The following CDH17 variants were observed in gnomAD, a reference collection of about 807,000 sequenced individuals.
The protein encoded by CDH17 is cadherin-17.
Under a neutral mutation model 86.3 loss-of-function variants are expected in CDH17, and 67 were observed. The observed-to-expected ratio is 0.78, with a 90% CI of 0.64 to 0.95. The LOEUF (loss-of-function observed/expected upper bound fraction) is 0.95, where lower values mean the gene tolerates loss of function less well. Ranked by LOEUF, CDH17 falls within the 40% of genes least tolerant of loss-of-function variation. The pLI, the probability that CDH17 is intolerant of heterozygous loss-of-function variation, is 0.00. For missense variants in CDH17, 993 were observed against 1,017.6 expected (o/e 0.98, Z 0.33); for synonymous variants, 367 against 366.4 (o/e 1.00, Z -0.02).
rs148783051 is a variant in CDH17 at position 94,151,057 on chromosome 8, A to G, written c.1796+811T>C. Among the ~76,000 whole-genome samples the G allele has an allele frequency of 4.4e-4, 67 of 152,338 alleles. No homozygotes were observed. The East Asian group carries it at 0.011, about 26-fold the overall frequency. Reference sequence around the variant, plus strand: ...TCCCTCCAGATGTTTAGAGAAACTTAAGGAATTGTCTGCCATTCATAGCCA... The same window carrying G: ...TCCCTCCAGATGTTTAGAGAAACTTGAGGAATTGTCTGCCATTCATAGCCA... On this transcript the variant is annotated intron_variant, in intron 13 of 17. Coordinates refer to ENST00000027335, the MANE Select transcript of CDH17 (RefSeq NM_004063.4).
intron 1 of CDH17, chr8:94,201,975 C>G (rs113991608): frequency 9.9e-5 from 23 of 232,056 alleles, no homozygotes; most frequent in African/African-American, 4.2e-4. Context: ...TGCAGGTAGC[C>G]CTGGAGCTGA....
intron 15 of CDH17, among the ~76,000 whole-genome samples, chr8:94,139,564 A>T (rs1217270527): frequency 1.3e-5 from 2 of 152,318 alleles, no homozygotes; most frequent in East Asian, 3.9e-4. Flanking sequence ...TCTTAAAAGC[A>T]CCCAGAGAAA....
intron 7 of CDH17, 130 bp from the exon 8 acceptor site, chr8:94,171,115 G>A (rs1586259201): frequency 1.1e-6 from 1 of 931,320 alleles, no homozygotes; most frequent in Admixed American, 3.2e-5. Flanking sequence ...TGTAACAACT[G>A]AATTACGTTT....
At position 94,159,970 on chromosome 8, in the gene CDH17, C is replaced by G. The variant is rs1813018720; in HGVS notation, c.1551+1G>C. 1 of 1,600,260 alleles carries G rather than the reference C, an allele frequency of 6.2e-7. No homozygotes were observed. The highest frequency in any genetic ancestry group is 1.7e-5 in the Admixed American group (1 of 57,744). ...TTCTATTAAATAAATGGGCTATTTA[C>G]CTTTTTAATTATGACATATCCGGTG... On this transcript the variant is annotated splice_donor_variant, in intron 12 of 17. Transcript: ENST00000027335. LOFTEE classifies it high-confidence loss of function.
Position 94,148,932 on chromosome 8 carries a change from G to A in CDH17, c.1797-58C>T, listed in dbSNP as rs1586242308. The A allele has an allele frequency of 4.0e-6, 6 of 1,486,646 alleles. No homozygotes were observed. The African/African-American group carries it at 5.6e-5, about 14-fold the overall frequency. The allele number at this position is 1,486,646 out of a possible 1,614,324, so 92.1% of individuals were successfully genotyped here. A position where few individuals can be genotyped will look rare whatever the true frequency, so the allele number is the denominator to read the frequency against. ...GCATTACTTTGCATGAAAATGTGAA[G>A]CTAGTTTGTGCGTCAACTAAATATG... On this transcript the variant is annotated intron_variant, in intron 13 of 17. Coordinates refer to ENST00000027335, the MANE Select transcript of CDH17 (RefSeq NM_004063.4).
At position 94,160,024 on chromosome 8, in the gene CDH17, G is replaced by A. The variant is rs201056236; in HGVS notation, c.1498C>T (p.Leu500=). ...GTATGGGGATCTGTGTCAACCCCCA[G>A]GCGTCCCTCACTGTCTCCCTTTATG... The part of the protein sequence containing the change: ...HIIKGDSEGR[L]GVDTDPHTNT... Residue 500 remains leucine, a synonymous_variant, in exon 12 of 18, where the codon CTG becomes TTG. Coordinates refer to ENST00000027335, the MANE Select transcript of CDH17 (RefSeq NM_004063.4). 198 of 1,613,686 alleles carry A rather than the reference G, an allele frequency of 1.2e-4. No homozygotes were observed. The Middle Eastern group carries it at 1.3e-3, about 11-fold the overall frequency.
At chr8:94,196,723 C>A (rs758062274) in intron 1 of CDH17, among the ~76,000 whole-genome samples, 6 of 152,166 alleles carry the variant, frequency 3.9e-5, no homozygotes, top group Non-Finnish European at 7.3e-5. Context: ...CCTGTAGAAT[C>A]CAGCTGCAGA....
upstream of CDH17, among the ~76,000 whole-genome samples, chr8:94,210,220 T>C (rs1814099287): frequency 1.2e-5 from 1 of 86,072 alleles, no homozygotes; most frequent in South Asian, 3.8e-4. Flanking sequence ...TCCAGCTTTA[T>C]GCGAGTAAAA....
intron 14 of CDH17, among the ~76,000 whole-genome samples, 191 bp downstream of exon 14, chr8:94,148,541 CAAAAAAAAAAAA>C (rs59942237): frequency 5.1e-4 from 15 of 29,200 alleles, no homozygotes; most frequent in Middle Eastern, 0.024. Context: ...GACTCCATCT[CAAAAAAAAAAAA>C]AAAAAAAAAA....
At chr8:94,153,036 G>A (rs1812885126) in intron 12 of CDH17, among the ~76,000 whole-genome samples, 1 of 152,122 alleles carries the variant, frequency 6.6e-6, no homozygotes, top group South Asian at 2.1e-4. Context: ...AAATGGGATT[G>A]CATCAAACTA....
intron 1 of CDH17, among the ~76,000 whole-genome samples, chr8:94,213,713 C>T (rs1259820252): frequency 1.3e-5 from 2 of 152,156 alleles, no homozygotes; most frequent in Admixed American, 6.5e-5. Context: ...CTGAAACCAC[C>T]CTCACCGAGG....
chr8:94,173,952 C>G lies in CDH17; in HGVS notation c.628G>C (p.Val210Leu). 3 of 1,613,678 alleles carry G rather than the reference C, an allele frequency of 1.9e-6. No individual in the cohort carries two copies. Among genetic ancestry groups the G allele is most frequent in the Non-Finnish European group, 2.5e-6 (3 of 1,179,792 alleles). Reference sequence around the variant, plus strand: ...CCTCCCATGTCCTTCACTGAGATCACCAGATTATAGGAAGGATTCTTAGCA... The same window carrying G: ...CCTCCCATGTCCTTCACTGAGATCAGCAGATTATAGGAAGGATTCTTAGCA... ...NPAKNPSYNL[V>L]ISVKDMGGQS... Residue 210 changes from valine (V) to leucine (L), a missense_variant, in exon 7 of 18, where the codon GTG becomes CTG. Physicochemically the swap from Val to Leu is conservative, Grantham distance 32. Transcript: ENST00000027335.
At chr8:94,144,684 T>G (rs888190958) in intron 15 of CDH17, among the ~76,000 whole-genome samples, 3 of 152,026 alleles carry the variant, frequency 2.0e-5, no homozygotes, top group African/African-American at 2.4e-5. Flanking sequence ...GATACCAAAA[T>G]TTTTAAATTT....
intron 11 of CDH17, 101 bp from the exon 12 acceptor site, chr8:94,160,263 T>C: frequency 1.2e-6 from 1 of 858,482 alleles, no homozygotes; most frequent in Non-Finnish European, 1.8e-6. Flanking sequence ...CAAGTCATAG[T>C]TTGCATCAAT....
intron 15 of CDH17, among the ~76,000 whole-genome samples, chr8:94,143,797 G>C (rs76999358): frequency 0.023 from 3,459 of 152,308 alleles, 124 homozygotes; most frequent in African/African-American, 0.079. Context: ...CAGAATTGAA[G>C]AGTTAAGGCC....
chr8:94,193,468 C>T (rs921174242), intron 2 of CDH17, among the ~76,000 whole-genome samples: 1 of 152,158 alleles, frequency 6.6e-6, no homozygotes, highest in African/African-American at 2.4e-5. Flanking sequence ...CATTGAATTG[C>T]CACAAAATCC....
At position 94,186,866 on chromosome 8, in the gene CDH17, G is replaced by A. The variant is rs570964231; in HGVS notation, c.150+2321C>T. ...TGCTATAGGACGAAGGGCTAGTCCA[G>A]CCCGTGCTGACCTCCGCAGGCATGC... is the stretch of plus-strand genomic sequence containing the variant. On this transcript the variant is annotated intron_variant, in intron 3 of 17. Coordinates refer to ENST00000027335, the MANE Select transcript of CDH17 (RefSeq NM_004063.4). 2.0e-5 allele frequency among the ~76,000 whole-genome samples: 3 copies of A among 152,288 alleles called. No homozygotes were observed. In the East Asian group the frequency reaches 5.8e-4, roughly 30 times the overall value.
chr8:94,145,621 A>T (rs1161662505), intron 15 of CDH17, among the ~76,000 whole-genome samples: 1 of 152,172 alleles, frequency 6.6e-6, no homozygotes, highest in Non-Finnish European at 1.5e-5. Flanking sequence ...TATCTATCTC[A>T]AAGTTTTAAA....
intron 9 of CDH17, among the ~76,000 whole-genome samples, chr8:94,169,742 A>C (rs996034544): frequency 1.3e-5 from 2 of 152,180 alleles, no homozygotes; most frequent in Non-Finnish European, 2.9e-5. Context: ...GAAGCCATAA[A>C]ACTCCCAGAA....
Sources: allele counts gnomAD v4.1 joint callset (sites outside exome capture counted in the v4.1 genomes callset), GRCh38; gene constraint gnomAD v4.1.1; transcripts MANE v1.5; gene names NCBI Gene and HGNC (gene_info 2026-07-23, HGNC 2026-07-21).